Variants in TMPRSS5 observed in about 807,000 individuals in gnomAD.
TMPRSS5 encodes transmembrane serine protease 5.
In TMPRSS5, 45 loss-of-function variants were observed where a neutral mutation model predicts 59.7. The observed-to-expected ratio is 0.75, with a 90% confidence interval of 0.59 to 0.97. TMPRSS5 has a LOEUF of 0.97. TMPRSS5 is among the 50% of genes least tolerant of loss of function. TMPRSS5 has a pLI of 0.00. For missense variants in TMPRSS5, 585 were observed against 596.7 expected, an observed-to-expected ratio of 0.98 and a Z score of 0.20; for synonymous variants, 225 against 232.0, an observed-to-expected ratio of 0.97 and a Z score of 0.27.
chr11:113,705,248 C>T (rs1203850203), intron 1 of TMPRSS5, among the ~76,000 whole-genome samples: 3 of 152,172 alleles, frequency 2.0e-5, no homozygotes, highest in East Asian at 1.9e-4. Flanking sequence ...GTCATGCCTT[C>T]GTACTCCACT....
intron 1 of TMPRSS5, 138 bp downstream of exon 1, chr11:113,706,084 C>T: frequency 1.0e-6 from 1 of 988,692 alleles, no homozygotes; most frequent in Non-Finnish European, 1.5e-6. Flanking sequence ...ACACAGGGCC[C>T]CTGCTAGGAT....
At chr11:113,692,334 A>G (rs1406951743) in intron 9 of TMPRSS5, among the ~76,000 whole-genome samples, 2 of 152,164 alleles carry the variant, frequency 1.3e-5, no homozygotes, top group Admixed American at 1.3e-4. Flanking sequence ...ATGTGTGTGT[A>G]CAGTGTGCAT....
intron 1 of TMPRSS5, among the ~76,000 whole-genome samples, chr11:113,701,633 C>A (rs988207086): frequency 1.3e-5 from 2 of 152,038 alleles, no homozygotes; most frequent in African/African-American, 4.8e-5. Context: ...TGAAGGTCAC[C>A]CCAGAAATTT....
At chr11:113,695,276 G>A in intron 7 of TMPRSS5, 124 bp downstream of exon 7, 1 of 983,424 alleles carries the variant, frequency 1.0e-6, no homozygotes, top group Non-Finnish European at 1.6e-6. Context: ...AGGCAGATGG[G>A]CAGGTGGGCA....
At position 113,698,994 on chromosome 11, in the gene TMPRSS5, A is replaced by G. The variant is rs1179410741; in HGVS notation, c.239T>C (p.Ile80Thr). ...CTCCTCATCCTGCAAGGTCCCGGAA[A>G]TGGGCTGAGAGGCAGCAGGACACAG... ...LYLCPAASQP[I>T]SGTLQDEEIT... Residue 80 changes from isoleucine (I) to threonine (T), a missense_variant, in exon 4 of 13, where the codon ATT becomes ACT. Transcript: ENST00000299882. 2 of 1,611,008 alleles carry G rather than the reference A, an allele frequency of 1.2e-6. No homozygotes were observed. The highest frequency in any genetic ancestry group is 4.5e-5 in the East Asian group (2 of 44,818).
chr11:113,690,763 G>C, intron 10 of TMPRSS5, 78 bp downstream of exon 10: 2 of 1,301,036 alleles, frequency 1.5e-6, no homozygotes, highest in Non-Finnish European at 2.2e-6. Context: ...GTGGCCAGGG[G>C]ATGTGGCCTT....
chr11:113,696,170 G>A (rs993980136), intron 6 of TMPRSS5, among the ~76,000 whole-genome samples: 2 of 152,168 alleles, frequency 1.3e-5, no homozygotes, highest in Non-Finnish European at 2.9e-5. Context: ...CTGAGCACAG[G>A]AGCTGGACAG....
chr11:113,689,039 A>C (rs1952682635), intron 12 of TMPRSS5, among the ~76,000 whole-genome samples: 1 of 152,212 alleles, frequency 6.6e-6, no homozygotes, highest in Non-Finnish European at 1.5e-5. Context: ...ACCAGGGATG[A>C]ATGATGGTAA....
rs867175808 is a variant in TMPRSS5, at chr11:113,689,863, C to A, written c.1261G>T (p.Gly421Trp). 3.8e-6 allele frequency: 6 copies of A among 1,581,368 alleles called. No homozygotes were observed. Among genetic ancestry groups the A allele is most frequent in the Non-Finnish European group, 5.2e-6 (6 of 1,163,950 alleles). The change falls in exon 12 of 13, where the codon GGG becomes TGG. Residue 421 changes from glycine to tryptophan, a missense_variant. Physicochemically the swap from Gly to Trp is radical, Grantham distance 184 (BLOSUM62 -2). Coordinates refer to ENST00000299882, the MANE Select transcript of TMPRSS5 (RefSeq NM_030770.4). Reference protein sequence around the residue: ...CPDGDTWRLVGVVSWGRGCAE... With the variant: ...CPDGDTWRLVWVVSWGRGCAE... The stretch of plus-strand genomic sequence containing the variant: ...CAGCCACGCCCCCAGCTGACCACCC[C>A]CACTAGGCGCCATGTGTCCCCATCT...
chr11:113,688,174 T>G lies in TMPRSS5; in HGVS notation c.*86A>C. On this transcript the variant is annotated 3_prime_UTR_variant, in exon 13 of 13. Coordinates refer to ENST00000299882, the MANE Select transcript of TMPRSS5 (RefSeq NM_030770.4). ...CCATGCGTTCTGTGTCGGAGGCTAC[T>G]GCCTCTCCTCCATTAGTGGAGCTGC... 1 of 1,522,620 alleles carries G rather than the reference T, an allele frequency of 6.6e-7. No homozygotes were observed. The highest frequency in any genetic ancestry group is 8.8e-7 in the Non-Finnish European group (1 of 1,135,110). The allele number at this position is 1,522,620 out of a possible 1,614,324, so 94.3% of individuals were successfully genotyped here.
intron 1 of TMPRSS5, among the ~76,000 whole-genome samples, chr11:113,702,399 G>A (rs1393675310): frequency 1.3e-5 from 2 of 152,142 alleles, no homozygotes; most frequent in African/African-American, 4.8e-5. Flanking sequence ...ATGATTTAGG[G>A]TATCTGGCAG....
At chr11:113,699,847 C>T in intron 2 of TMPRSS5, 154 bp from the exon 3 acceptor site, 1 of 1,410,320 alleles carries the variant, frequency 7.1e-7, no homozygotes, top group Non-Finnish European at 9.7e-7. Context: ...GGAGTGGGGG[C>T]AGGGGAGGAT....
At chr11:113,699,501 G>C in intron 3 of TMPRSS5, 94 bp downstream of exon 3, 1 of 1,028,286 alleles carries the variant, frequency 9.7e-7, no homozygotes, top group East Asian at 2.6e-5. Context: ...AGTAGTTGAG[G>C]AAGACAGTTG....
chr11:113,692,986 G>A (rs1470767632), intron 9 of TMPRSS5, 85 bp downstream of exon 9: 2 of 1,297,230 alleles, frequency 1.5e-6, no homozygotes, highest in African/African-American at 2.9e-5. Flanking sequence ...GGAAACTTCA[G>A]AAATCAGCTC....
intron 5 of TMPRSS5, 105 bp from the exon 6 acceptor site, chr11:113,697,076 G>T: frequency 8.6e-7 from 1 of 1,161,248 alleles, no homozygotes. Flanking sequence ...ATTACTGCTG[G>T]GGTTTATGCT....
intron 1 of TMPRSS5, among the ~76,000 whole-genome samples, chr11:113,704,056 GT>G (rs1330298746): frequency 3.3e-5 from 5 of 152,170 alleles, no homozygotes; most frequent in South Asian, 4.2e-4. Context: ...GATGAAGAGG[GT>G]TTGAGCTGAT....
At chr11:113,699,260 T>TCTCCCC (rs1565263673) in intron 3 of TMPRSS5, among the ~76,000 whole-genome samples, 3 of 35,956 alleles carry the variant, frequency 8.3e-5, no homozygotes, top group African/African-American at 4.5e-4. Context: ...TCTCTCTCTC[T>TCTCCCC]CTCTCTCTCT....
At chr11:113,702,326 A>T (rs977772198) in intron 1 of TMPRSS5, among the ~76,000 whole-genome samples, 1 of 152,150 alleles carries the variant, frequency 6.6e-6, no homozygotes, top group Admixed American at 6.5e-5. Context: ...TGCTGGGTCA[A>T]ATGGTATTTC....
intron 11 of TMPRSS5, 55 bp downstream of exon 11, chr11:113,690,176 G>GGCCCCCCCCCCCCCCCCCCACCCCCC: frequency 2.6e-6 from 1 of 388,230 alleles, no homozygotes; most frequent in Non-Finnish European, 4.2e-6. Flanking sequence ...CAGGCCCCCT[G>GGCCCCCCCCCCCCCCCCCCACCCCCC]CCCTCCCACC....
Sources: gnomAD v4.1 joint callset for allele counts (sites outside exome capture counted in the v4.1 genomes callset) on GRCh38, gnomAD v4.1.1 for gene constraint, MANE v1.5 for transcripts, NCBI Gene and HGNC (gene_info 2026-07-23, HGNC 2026-07-21) for gene names.